The following NTSR1 variants were observed in gnomAD, a reference collection of about 807,000 sequenced individuals.
NTSR1 encodes the protein neurotensin receptor type 1.
In NTSR1, 29 loss-of-function variants were observed where a neutral mutation model predicts 31.2. The ratio of observed to expected loss-of-function variants is 0.93; its 90% confidence interval spans 0.69 to 1.27. The LOEUF (loss-of-function observed/expected upper bound fraction) is 1.27, where lower values mean the gene tolerates loss of function less well. NTSR1 is among the 50% of genes most tolerant of loss of function. The probability of loss-of-function intolerance (pLI) is 0.00; values close to 1 mark genes in which losing one functional copy is unlikely to be tolerated. For missense variants in NTSR1, 697 were observed against 595.4 expected (o/e 1.17, Z -1.78); for synonymous variants, 282 against 269.9 (o/e 1.04, Z -0.44).
rs907149110 is a variant in NTSR1 at position 62,708,848 on chromosome 20, C to A, written c.-360C>A. The stretch of plus-strand genomic sequence containing the variant: ...TCCTCCCGGCGCCACAAGCTCGCCC[C>A]GCGCAGCCCGAGCCGGGCTGGGCGC... On this transcript the variant is annotated 5_prime_UTR_variant, in exon 1 of 4. Transcript: ENST00000370501. This position sits in a 1 kb window ranked among gnomAD's most constrained non-coding sequence, Gnocchi z 5.9. The A allele has an allele frequency of 4.2e-5, 10 of 235,692 alleles. No homozygotes were observed. The East Asian group carries it at 8.5e-4, about 20-fold the overall frequency. The allele number at this position is 235,692 out of a possible 1,614,324, so 14.6% of individuals were successfully genotyped here. A position where few individuals can be genotyped will look rare whatever the true frequency, so the allele number is the denominator to read the frequency against.
chr20:62,738,018 G>A (rs574573549), intron 1 of NTSR1, among the ~76,000 whole-genome samples: 4 of 68,564 alleles, frequency 5.8e-5, no homozygotes, highest in East Asian at 7.0e-4. Flanking sequence ...CTGGTCCTCC[G>A]CAACAGCCGC....
chr20:62,730,817 A>G (rs954712947), intron 1 of NTSR1, among the ~76,000 whole-genome samples: 1 of 152,090 alleles, frequency 6.6e-6, no homozygotes, highest in Admixed American at 6.5e-5. Flanking sequence ...TTTAATCGAC[A>G]TTTCTCTAAT....
intron 1 of NTSR1, among the ~76,000 whole-genome samples, chr20:62,718,888 G>C (rs1988782133): frequency 6.6e-6 from 1 of 152,108 alleles, no homozygotes; most frequent in Non-Finnish European, 1.5e-5. Flanking sequence ...AAATACGTAG[G>C]TTTCAGATTG....
In NTSR1 at chr20:62,711,575, C is replaced by G. The variant is rs1988615282; in HGVS notation, c.714+1654C>G. ...TCCCCCCACTCAGACCCCCGATCCC[C>G]CCGCTCAGATCCCCGATCCCCCCGC... On this transcript the variant is annotated intron_variant, in intron 1 of 3. Coordinates refer to ENST00000370501, the MANE Select transcript of NTSR1 (RefSeq NM_002531.3). This position sits in a 1 kb window ranked among gnomAD's most constrained non-coding sequence, Gnocchi z 6.4. Among the ~76,000 whole-genome samples, 1 of 147,068 alleles carries G rather than the reference C, an allele frequency of 6.8e-6. No homozygotes were observed. The highest frequency in any genetic ancestry group is 2.5e-5 in the African/African-American group (1 of 39,812).
intron 3 of NTSR1, among the ~76,000 whole-genome samples, chr20:62,759,371 C>T (rs997449046): frequency 5.3e-5 from 8 of 152,104 alleles, no homozygotes; most frequent in African/African-American, 9.7e-5. Flanking sequence ...TTGGTTAGGC[C>T]GGGACCAGCC....
intron 1 of NTSR1, among the ~76,000 whole-genome samples, chr20:62,717,356 A>AG (rs1988749112): frequency 6.6e-6 from 1 of 152,182 alleles, no homozygotes. Context: ...AGCAAGAAGG[A>AG]GATCAGGAGA....
rs555863992 is a variant in NTSR1 at position 62,718,611 on chromosome 20, C to T, written c.714+8690C>T. On this transcript the variant is annotated intron_variant, in intron 1 of 3. Coordinates refer to ENST00000370501, the MANE Select transcript of NTSR1 (RefSeq NM_002531.3). ...CACAGCTTTGCCTTTTCTGGGACGT[C>T]GAGTGAATGGAGCCAGCTGGGCTGT... Among the ~76,000 whole-genome samples, 12 of 145,758 alleles carry T rather than the reference C, an allele frequency of 8.2e-5. 1 individual carries two copies. The South Asian group carries it at 2.5e-3, about 31-fold the overall frequency.
intron 1 of NTSR1, among the ~76,000 whole-genome samples, chr20:62,735,718 G>A (rs1011764608): frequency 4.6e-5 from 7 of 152,198 alleles, no homozygotes; most frequent in African/African-American, 1.2e-4. Flanking sequence ...CCCCCGACAC[G>A]GCGAGGTGAG....
rs1989216701 is a variant in NTSR1 at position 62,742,123 on chromosome 20, A to T, written c.715-12562A>T. Among the ~76,000 whole-genome samples the T allele has an allele frequency of 6.7e-6, 1 of 149,530 alleles. No homozygotes were observed. The highest frequency in any genetic ancestry group is 1.5e-5 in the Non-Finnish European group (1 of 68,002). On this transcript the variant is annotated intron_variant, in intron 1 of 3. Transcript: ENST00000370501. The surrounding 1 kb of genome is among the most constrained non-coding windows in gnomAD (Gnocchi z 7.1). ...TCAGAGCTCTCTGATGGAGGCGTGG[A>T]CGGGGTCGTGAGGGGCCAAGTACTA...
rs118086616 is a variant in NTSR1, at chr20:62,710,668, C to T, written c.714+747C>T. Among the ~76,000 whole-genome samples the T allele has an allele frequency of 2.9e-4, 44 of 152,222 alleles. No individual in the cohort carries two copies. In the East Asian group the frequency reaches 7.7e-3, roughly 27 times the overall value. ...CCCTCCAAGGGTCTGAGCAAAGCGC[C>T]GTGGGAATGCGGGTGGGAAGCCCCC... On this transcript the variant is annotated intron_variant, in intron 1 of 3. Transcript: ENST00000370501.
chr20:62,712,020 C>T (rs893838791), intron 1 of NTSR1, among the ~76,000 whole-genome samples: 4 of 152,224 alleles, frequency 2.6e-5, no homozygotes, highest in African/African-American at 4.8e-5. Flanking sequence ...GGCTCAGCTG[C>T]GTGCCTGGGA....
Position 62,745,964 on chromosome 20 carries a change from C to T in NTSR1, c.715-8721C>T, listed in dbSNP as rs543476341. On this transcript the variant is annotated intron_variant, in intron 1 of 3. Coordinates refer to ENST00000370501, the MANE Select transcript of NTSR1 (RefSeq NM_002531.3). The surrounding 1 kb of genome is among the most constrained non-coding windows in gnomAD (Gnocchi z 4.1). ...CAGTGGCGCTGAGGCATCCTCTGGC[C>T]GGCCCTGCATGGCCTTCAAGCTGCT... Among the ~76,000 whole-genome samples, 3 of 152,358 alleles carry T rather than the reference C, an allele frequency of 2.0e-5. No individual in the cohort carries two copies. Among genetic ancestry groups the T allele is most frequent in the East Asian group, 1.9e-4 (1 of 5,186 alleles).
intron 1 of NTSR1, among the ~76,000 whole-genome samples, chr20:62,747,143 T>C (rs993519094): frequency 3.9e-5 from 6 of 152,256 alleles, no homozygotes; most frequent in Non-Finnish European, 5.9e-5. Flanking sequence ...ACAAGAGCCA[T>C]TTGATCATCT....
At chr20:62,710,333 C>CCAG (rs1568693853) in intron 1 of NTSR1, among the ~76,000 whole-genome samples, 1 of 152,264 alleles carries the variant, frequency 6.6e-6, no homozygotes, top group Non-Finnish European at 1.5e-5. Flanking sequence ...CCGGTGCCTC[C>CCAG]CAGCTGCCTG....
chr20:62,725,469 C>A (rs2427419), intron 1 of NTSR1, among the ~76,000 whole-genome samples: 3 of 151,944 alleles, frequency 2.0e-5, no homozygotes, highest in East Asian at 1.9e-4. Context: ...GTCTCCCCCC[C>A]GCTGCCTTCC....
chr20:62,732,949 G>A lies in NTSR1; in HGVS notation c.715-21736G>A, dbSNP rs2427429. 47,761 of 151,808 alleles carry A rather than the reference G, an allele frequency of 0.31. 7,816 individuals are homozygous for A. The highest frequency in any genetic ancestry group is 0.39 in the Middle Eastern group (116 of 294). 9.4% of individuals were successfully genotyped at this position (151,808 alleles called of 1,614,324 possible). ...GGGGCGGCTCAGGCTGAGAACCAAC[G>A]GCGCTGACGTCGCCTAAAGGGGGTT... On this transcript the variant is annotated intron_variant, in intron 1 of 3. Coordinates refer to ENST00000370501, the MANE Select transcript of NTSR1 (RefSeq NM_002531.3). The surrounding 1 kb of genome is among the most constrained non-coding windows in gnomAD (Gnocchi z 4.0).
chr20:62,727,293 A>AG (rs1274871226), intron 1 of NTSR1, among the ~76,000 whole-genome samples: 2 of 152,154 alleles, frequency 1.3e-5, no homozygotes, highest in African/African-American at 4.8e-5. Flanking sequence ...GCCTGAGGAC[A>AG]GGGTTTCCTC....
At chr20:62,750,455 C>T (rs1989373589) in intron 1 of NTSR1, among the ~76,000 whole-genome samples, 1 of 152,054 alleles carries the variant, frequency 6.6e-6, no homozygotes, top group South Asian at 2.1e-4. Flanking sequence ...CTTTGGGAGG[C>T]CGAGGCGGGT....
rs1021482411 is a variant in NTSR1, at chr20:62,745,110, A to C, written c.715-9575A>C. Among the ~76,000 whole-genome samples the C allele has an allele frequency of 6.6e-6, 1 of 152,206 alleles. No homozygotes were observed. Among genetic ancestry groups the C allele is most frequent in the African/African-American group, 2.4e-5 (1 of 41,444 alleles). ...CACTGAGGCCCATGGCCCAGAGCCC[A>C]GCTACCCAGCCGGCTCCAGGGAGGG... On this transcript the variant is annotated intron_variant, in intron 1 of 3. Transcript: ENST00000370501. This position sits in a 1 kb window ranked among gnomAD's most constrained non-coding sequence, Gnocchi z 4.1.
Sources: gnomAD v4.1 joint callset for allele counts (sites outside exome capture counted in the v4.1 genomes callset) on GRCh38, gnomAD v4.1.1 for gene constraint, Gnocchi (gnomAD v3.1) non-coding constraint, MANE v1.5 for transcripts, NCBI Gene and HGNC (gene_info 2026-07-23, HGNC 2026-07-21) for gene names.